Variants in PKNOX2 observed in about 807,000 individuals in gnomAD.
The protein encoded by PKNOX2 is homeobox protein PKNOX2.
Under a neutral mutation model 53.1 loss-of-function variants are expected in PKNOX2, and 14 were observed. The ratio of observed to expected loss-of-function variants is 0.26; its 90% CI spans 0.17 to 0.41. PKNOX2 has a LOEUF of 0.41. Among genes scored for constraint, PKNOX2 ranks in the 10% least tolerant of loss-of-function variants. PKNOX2 has a pLI of 1.00. For missense variants in PKNOX2, 496 were observed against 602.8 expected, an observed-to-expected ratio of 0.82 and a Z score of 1.85; for synonymous variants, 257 against 242.8, an observed-to-expected ratio of 1.06 and a Z score of -0.54.
At chr11:125,310,037 C>A (rs968654553) in intron 2 of PKNOX2, among the ~76,000 whole-genome samples, 17 of 152,154 alleles carry the variant, frequency 1.1e-4, no homozygotes, top group African/African-American at 3.9e-4. Flanking sequence ...TCATGGAAGA[C>A]TTTGTCATAC....
At chr11:125,210,810 T>G (rs994368713) in intron 1 of PKNOX2, among the ~76,000 whole-genome samples, 2 of 152,102 alleles carry the variant, frequency 1.3e-5, no homozygotes, top group African/African-American at 4.8e-5. Context: ...GTGAATTTTC[T>G]TCTGGAGTGA....
At chr11:125,194,727 G>A (rs901555689) in intron 1 of PKNOX2, among the ~76,000 whole-genome samples, 1 of 152,166 alleles carries the variant, frequency 6.6e-6, no homozygotes, top group Non-Finnish European at 1.5e-5. Context: ...TGCCACGAAT[G>A]TAAAATGTCA....
At chr11:125,268,910 A>T (rs886074735) in intron 2 of PKNOX2, among the ~76,000 whole-genome samples, 4 of 125,234 alleles carry the variant, frequency 3.2e-5, no homozygotes, top group Non-Finnish European at 4.8e-5. Context: ...CCCGACAGCA[A>T]TGGCTTCTCA....
intron 5 of PKNOX2, among the ~76,000 whole-genome samples, chr11:125,377,847 T>C (rs1952933094): frequency 6.6e-6 from 1 of 152,234 alleles, no homozygotes; most frequent in African/African-American, 2.4e-5. Context: ...GGGTCACATT[T>C]AAAGCCGTTC....
intron 11 of PKNOX2, among the ~76,000 whole-genome samples, chr11:125,429,568 C>T (rs1956593747): frequency 6.6e-6 from 1 of 152,194 alleles, no homozygotes; most frequent in Non-Finnish European, 1.5e-5. Context: ...CCTGGCTGGG[C>T]TGTCAGGGGA....
At chr11:125,373,440 A>G (rs1952660410) in intron 5 of PKNOX2, among the ~76,000 whole-genome samples, 1 of 152,182 alleles carries the variant, frequency 6.6e-6, no homozygotes, top group Non-Finnish European at 1.5e-5. Context: ...ACTTTCTGTG[A>G]CTCAGTTTCC....
At chr11:125,369,957 G>A (rs1228989976) in intron 5 of PKNOX2, among the ~76,000 whole-genome samples, 1 of 152,084 alleles carries the variant, frequency 6.6e-6, no homozygotes, top group African/African-American at 2.4e-5. Flanking sequence ...GGCTCTTAAG[G>A]CTCACTCAGG....
At chr11:125,208,720 A>T (rs1027961719) in intron 1 of PKNOX2, among the ~76,000 whole-genome samples, 18 of 152,126 alleles carry the variant, frequency 1.2e-4, no homozygotes, top group African/African-American at 4.1e-4. Context: ...GTCATGAGGG[A>T]TAAATCAATA....
At chr11:125,354,665 C>A (rs547176084) in intron 4 of PKNOX2, among the ~76,000 whole-genome samples, 1 of 152,126 alleles carries the variant, frequency 6.6e-6, no homozygotes, top group African/African-American at 2.4e-5. Flanking sequence ...TCCCAAGCCC[C>A]GGACCTTCTT....
In PKNOX2 at chr11:125,352,563, G is replaced by A. The variant is rs1555161169; in HGVS notation, c.87+1171G>A. On this transcript the variant is annotated intron_variant, in intron 4 of 12. Transcript: ENST00000298282. This position sits in a 1 kb window ranked among gnomAD's most constrained non-coding sequence, Gnocchi z 4.1. ...GCTCACTATGGCCCTGATGCCTCCAGCCTAGTGGGAGCATGTAGTAGCTGC... is the reference window on the plus strand; with the variant it reads ...GCTCACTATGGCCCTGATGCCTCCAACCTAGTGGGAGCATGTAGTAGCTGC... 6.6e-6 allele frequency among the ~76,000 whole-genome samples: 1 copy of A among 152,208 alleles called. No homozygotes were observed. The highest frequency in any genetic ancestry group is 1.5e-5 in the Non-Finnish European group (1 of 68,040).
intron 2 of PKNOX2, among the ~76,000 whole-genome samples, chr11:125,279,315 A>C (rs1376856336): frequency 6.6e-6 from 1 of 152,192 alleles, no homozygotes; most frequent in Non-Finnish European, 1.5e-5. Flanking sequence ...TCATTTACCA[A>C]GTATCTACCC....
chr11:125,205,617 T>C (rs1044178300), intron 1 of PKNOX2, among the ~76,000 whole-genome samples: 1 of 150,894 alleles, frequency 6.6e-6, no homozygotes, highest in African/African-American at 2.4e-5. Context: ...TCAGCCCAAA[T>C]ATTCTATCTC....
chr11:125,394,139 T>C lies in PKNOX2; in HGVS notation c.400-3735T>C, dbSNP rs117405889. On this transcript the variant is annotated intron_variant, in intron 6 of 12. Transcript: ENST00000298282. Reference sequence around the variant, plus strand: ...CTGAATAAGAAACGTTTGGGTATTATTAACAATCCAGCAACGCATATGTGT... The same window carrying C: ...CTGAATAAGAAACGTTTGGGTATTACTAACAATCCAGCAACGCATATGTGT... Among the ~76,000 whole-genome samples, 550 of 152,356 alleles carry C rather than the reference T, an allele frequency of 3.6e-3. 3 individuals carry two copies. The highest frequency in any genetic ancestry group is 6.4e-3 in the Non-Finnish European group (436 of 68,028).
chr11:125,286,479 C>G (rs1946905672), intron 2 of PKNOX2, among the ~76,000 whole-genome samples: 1 of 152,200 alleles, frequency 6.6e-6, no homozygotes, highest in African/African-American at 2.4e-5. Context: ...GTAAGTTTTG[C>G]TAGCCTACGT....
intron 3 of PKNOX2, among the ~76,000 whole-genome samples, chr11:125,341,154 C>G (rs980760656): frequency 2.0e-5 from 3 of 150,734 alleles, no homozygotes; most frequent in Admixed American, 2.0e-4. Flanking sequence ...ATCAAGAGAC[C>G]GAGACCAGCC....
At chr11:125,410,347 G>A (rs1178361876) in intron 8 of PKNOX2, 22 bp downstream of exon 8, 2 of 1,613,238 alleles carry the variant, frequency 1.2e-6, no homozygotes, top group Non-Finnish European at 1.7e-6. Flanking sequence ...GACTGGGAAG[G>A]GTGATTGTGG....
rs550332782 is a variant in PKNOX2, at chr11:125,257,476, G to C, written c.-130+22361G>C. Among the ~76,000 whole-genome samples, 14 of 152,350 alleles carry C rather than the reference G, an allele frequency of 9.2e-5. 1 individual carries two copies. The South Asian group carries it at 2.9e-3, about 32-fold the overall frequency. Reference sequence around the variant, plus strand: ...CAGGATCCCAGTAGGATACCTCCATGTTTATTCCAGCAATGGTTAGGAGTA... The same window carrying C: ...CAGGATCCCAGTAGGATACCTCCATCTTTATTCCAGCAATGGTTAGGAGTA... On this transcript the variant is annotated intron_variant, in intron 2 of 12. Coordinates refer to ENST00000298282, the MANE Select transcript of PKNOX2 (RefSeq NM_001382323.2).
intron 4 of PKNOX2, among the ~76,000 whole-genome samples, chr11:125,356,293 G>A (rs766007705): frequency 3.3e-5 from 5 of 152,212 alleles, no homozygotes; most frequent in Admixed American, 6.5e-5. Flanking sequence ...GGATAGTTTA[G>A]GAACAAACTG....
intron 1 of PKNOX2, among the ~76,000 whole-genome samples, chr11:125,220,105 T>A (rs944632951): frequency 6.7e-6 from 1 of 150,322 alleles, no homozygotes; most frequent in East Asian, 2.0e-4. Context: ...CTGATAAAGA[T>A]CTCCAAAATA....
Sources: gnomAD v4.1 joint callset for allele counts (sites outside exome capture counted in the v4.1 genomes callset) on GRCh38, gnomAD v4.1.1 for gene constraint, Gnocchi (gnomAD v3.1) non-coding constraint, MANE v1.5 for transcripts, NCBI Gene and HGNC (gene_info 2026-07-23, HGNC 2026-07-21) for gene names.